CPNE1: variants seen among roughly 807,000 people sequenced by gnomAD.
CPNE1 encodes copine 1, also known as copine-1.
CPNE1 carries 58 observed loss-of-function variants against 63.2 expected under a neutral mutation model. The observed-to-expected ratio is 0.92, with a 90% CI of 0.74 to 1.14. CPNE1 has a LOEUF of 1.14. Among genes scored for constraint, CPNE1 ranks in the 50% most tolerant of loss-of-function variants. CPNE1 has a pLI of 0.00. For synonymous variants in CPNE1, 237 were observed against 249.0 expected (o/e 0.95, Z 0.45); for missense variants, 672 against 661.7 (o/e 1.02, Z -0.17).
At chr20:35,654,183 T>G (rs1290000202) in intron 1 of CPNE1, 1 of 1,614,234 alleles carries the variant, frequency 6.2e-7, no homozygotes, top group South Asian at 1.1e-5. Context: ...CTACCCACTG[T>G]CTTTCTGTGG....
intron 1 of CPNE1, among the ~76,000 whole-genome samples, chr20:35,640,058 A>C (rs1269092443): frequency 6.6e-6 from 1 of 152,178 alleles, no homozygotes; most frequent in Non-Finnish European, 1.5e-5. Context: ...CTGAGGTCAG[A>C]GCTTCCTGTG....
At chr20:35,637,383 G>C (rs1455612989) in intron 1 of CPNE1, among the ~76,000 whole-genome samples, 1 of 151,930 alleles carries the variant, frequency 6.6e-6, no homozygotes, top group Non-Finnish European at 1.5e-5. Context: ...TTGCAATCTG[G>C]TAACCCTGCA....
chr20:35,632,321 C>T lies in CPNE1; in HGVS notation c.374G>A (p.Gly125Glu). 1 of 1,614,034 alleles carries T rather than the reference C, an allele frequency of 6.2e-7. No homozygotes were observed. Residue 125 changes from glycine to glutamate, a missense_variant, in exon 4 of 16, where the codon GGG becomes GAG. By Grantham distance (98) the Gly-to-Glu change is moderately conservative. Coordinates refer to ENST00000397443, the MANE Select transcript of CPNE1 (RefSeq NM_152925.3). ...TGCTGGGTTCCTTACCGTGATGGTCCCCCGCCCAGCAGGTTTTCCAGGCTT... is the reference window on the plus strand; with the variant it reads ...TGCTGGGTTCCTTACCGTGATGGTCTCCCGCCCAGCAGGTTTTCCAGGCTT... ...MLKPGKPAGR[G>E]TITVSAQELK...
chr20:35,630,357 G>A (rs1429583215), intron 13 of CPNE1, 82 bp downstream of exon 13: 6 of 1,049,816 alleles, frequency 5.7e-6, no homozygotes, highest in Non-Finnish European at 8.7e-6. Context: ...GCAGGTATCT[G>A]CCCCCACTCT....
chr20:35,652,357 T>A, intron 1 of CPNE1: 2 of 720,934 alleles, frequency 2.8e-6, no homozygotes, highest in South Asian at 3.9e-5. Context: ...TTTATCCTGG[T>A]GAGTGAGTCT....
intron 1 of CPNE1, among the ~76,000 whole-genome samples, chr20:35,635,613 C>T (rs1437091088): frequency 6.6e-6 from 1 of 152,146 alleles, no homozygotes; most frequent in African/African-American, 2.4e-5. Flanking sequence ...TCTTGTTATC[C>T]CTGTGTCCCC....
chr20:35,639,136 C>G (rs1056112976), intron 1 of CPNE1, among the ~76,000 whole-genome samples: 3 of 150,632 alleles, frequency 2.0e-5, no homozygotes, highest in Non-Finnish European at 4.4e-5. Flanking sequence ...AAATGTTGCA[C>G]TAAAGTTAAG....
intron 1 of CPNE1, among the ~76,000 whole-genome samples, chr20:35,647,849 T>G (rs1601454528): frequency 7.4e-6 from 1 of 134,572 alleles, no homozygotes; most frequent in Non-Finnish European, 1.6e-5. Context: ...GATCAGGAGG[T>G]GGGGACTATG....
intron 12 of CPNE1, 119 bp from the exon 13 acceptor site, chr20:35,630,609 A>G: frequency 6.9e-7 from 1 of 1,440,300 alleles, no homozygotes. Flanking sequence ...CTTGCTGTCT[A>G]CGTGCCTGCA....
intron 13 of CPNE1, among the ~76,000 whole-genome samples, chr20:35,628,879 G>A (rs1239713042): frequency 6.6e-6 from 1 of 152,230 alleles, no homozygotes; most frequent in African/African-American, 2.4e-5. Flanking sequence ...AGGAGATACT[G>A]AAGTACTCAG....
At chr20:35,641,749 T>C (rs1191234599) in intron 1 of CPNE1, among the ~76,000 whole-genome samples, 1 of 152,204 alleles carries the variant, frequency 6.6e-6, no homozygotes, top group African/African-American at 2.4e-5. Flanking sequence ...CACGACTGTA[T>C]TCTGTCGATG....
intron 1 of CPNE1, among the ~76,000 whole-genome samples, chr20:35,634,052 G>C (rs2032336547): frequency 6.6e-6 from 1 of 151,504 alleles, no homozygotes; most frequent in Non-Finnish European, 1.5e-5. Flanking sequence ...ACGAGGTCAG[G>C]AGATCGAGAC....
At chr20:35,652,467 T>C (rs1333610661) in intron 1 of CPNE1, 2 of 1,525,156 alleles carry the variant, frequency 1.3e-6, no homozygotes, top group Non-Finnish European at 1.8e-6. Context: ...GAAAACAATC[T>C]GGATGCATTA....
intron 1 of CPNE1, among the ~76,000 whole-genome samples, chr20:35,638,497 G>GACC (rs1011706905): frequency 2.6e-5 from 4 of 152,114 alleles, no homozygotes; most frequent in African/African-American, 9.7e-5. Flanking sequence ...TAATTAAAAA[G>GACC]ACCACCACCA....
chr20:35,653,071 C>G (rs934324328), intron 1 of CPNE1: 16 of 1,613,810 alleles, frequency 9.9e-6, no homozygotes, highest in Non-Finnish European at 1.4e-5. Context: ...CATACCAGGC[C>G]TAGCATCACC....
intron 1 of CPNE1, among the ~76,000 whole-genome samples, chr20:35,636,926 G>A (rs2032519459): frequency 1.3e-5 from 2 of 152,074 alleles, no homozygotes; most frequent in South Asian, 4.1e-4. Context: ...TGCATCAAAT[G>A]TTTTAGGTAG....
intron 1 of CPNE1, among the ~76,000 whole-genome samples, chr20:35,636,330 T>A (rs1051344051): frequency 2.0e-5 from 3 of 152,122 alleles, no homozygotes; most frequent in Non-Finnish European, 4.4e-5. Context: ...CCAGGCAGTG[T>A]TTACACAGTA....
chr20:35,654,709 A>G (rs2033786611), intron 1 of CPNE1: 1 of 1,613,678 alleles, frequency 6.2e-7, no homozygotes, highest in South Asian at 1.1e-5. Flanking sequence ...AATTGGGGGA[A>G]TGGATGGCAT....
At chr20:35,639,526 G>C (rs1036198704) in intron 1 of CPNE1, among the ~76,000 whole-genome samples, 1 of 152,124 alleles carries the variant, frequency 6.6e-6, no homozygotes, top group Non-Finnish European at 1.5e-5. Flanking sequence ...TGTAGAGACA[G>C]GGTTTCACCA....
Sources: allele counts gnomAD v4.1 joint callset (sites outside exome capture counted in the v4.1 genomes callset), GRCh38; gene constraint gnomAD v4.1.1; transcripts MANE v1.5; gene names NCBI Gene and HGNC (gene_info 2026-07-23, HGNC 2026-07-21).